Variants in KLHDC2 observed in about 807,000 individuals in gnomAD.
KLHDC2 encodes the protein kelch domain containing 2.
In KLHDC2, 38 loss-of-function variants were observed where a neutral mutation model predicts 62.3. That is an observed-to-expected ratio of 0.61 (90% CI 0.47 to 0.80). The LOEUF is 0.80. Ranked by LOEUF, KLHDC2 falls within the 30% of genes least tolerant of loss-of-function variation. KLHDC2 has a pLI of 0.00. For missense variants in KLHDC2, 430 were observed against 495.3 expected, an observed-to-expected ratio of 0.87 and a Z score of 1.25; for synonymous variants, 159 against 161.0, an observed-to-expected ratio of 0.99 and a Z score of 0.09.
rs1890134447 is a variant in KLHDC2, at chr14:49,785,591, A to G, written c.*2638A>G. The G allele has an allele frequency of 8.4e-6, 3 of 359,076 alleles. No homozygotes were observed. Among genetic ancestry groups the G allele is most frequent in the South Asian group, 7.9e-5 (3 of 38,166 alleles). 22.2% of individuals were successfully genotyped at this position (359,076 alleles called of 1,614,324 possible). Reference sequence around the variant, plus strand: ...AATCCTACCTACAGTTACATTTAAGAGAAAGAAGGCCCAGGAGCAGTGGTT... The same window carrying G: ...AATCCTACCTACAGTTACATTTAAGGGAAAGAAGGCCCAGGAGCAGTGGTT... On this transcript the variant is annotated 3_prime_UTR_variant, in exon 13 of 13. Transcript: ENST00000298307.
chr14:49,778,411 A>C lies in KLHDC2; in HGVS notation c.550A>C (p.Asn184His). Residue 184 changes from asparagine to histidine, a missense_variant and splice_region_variant, in exon 6 of 13, where the codon AAT becomes CAT. Coordinates refer to ENST00000298307, the MANE Select transcript of KLHDC2 (RefSeq NM_014315.3). ...TFEFDETSFW[N>H]SSHPRGWNDH... Reference sequence around the variant, plus strand: ...TAACGCGGATTCTTATTTTCTGTAGAATTCAAGTCATCCAAGAGGATGGAA... The same window carrying C: ...TAACGCGGATTCTTATTTTCTGTAGCATTCAAGTCATCCAAGAGGATGGAA... 15 of 1,545,344 alleles carry C rather than the reference A, an allele frequency of 9.7e-6. No individual in the cohort carries two copies. The highest frequency in any genetic ancestry group is 1.2e-5 in the Non-Finnish European group (14 of 1,125,580).
chr14:49,769,999 T>A (rs1232448741), intron 1 of KLHDC2, among the ~76,000 whole-genome samples: 1 of 151,638 alleles, frequency 6.6e-6, no homozygotes, highest in Non-Finnish European at 1.5e-5. Flanking sequence ...GGCAAGCATG[T>A]AGTCACCCTT....
At chr14:49,768,732 TCG>T in intron 1 of KLHDC2, 111 bp downstream of exon 1, 1 of 1,037,778 alleles carries the variant, frequency 9.6e-7, no homozygotes, top group Non-Finnish European at 1.3e-6. Context: ...CCCGCCTGCG[TCG>T]CGCGCCCCAC....
At position 49,780,406 on chromosome 14, in the gene KLHDC2, G is replaced by A. The variant is rs867598058; in HGVS notation, c.883+84G>A. ...GAAAATGAGTCTATTAGAGACTGATGAGACGGCTTATAGGGTTGGTTGGAA... is the reference window on the plus strand; with the variant it reads ...GAAAATGAGTCTATTAGAGACTGATAAGACGGCTTATAGGGTTGGTTGGAA... On this transcript the variant is annotated intron_variant, in intron 9 of 12. Transcript: ENST00000298307. 2.9e-5 allele frequency: 27 copies of A among 937,322 alleles called. 2 individuals carry two copies. The highest frequency in any genetic ancestry group is 4.3e-4 in the Middle Eastern group (2 of 4,644). 58.1% of individuals were successfully genotyped at this position (937,322 alleles called of 1,614,324 possible).
chr14:49,774,399 C>G (rs776616649), intron 2 of KLHDC2, among the ~76,000 whole-genome samples, 162 bp from the exon 3 acceptor site: 1 of 152,220 alleles, frequency 6.6e-6, no homozygotes, highest in East Asian at 1.9e-4. Context: ...AAAGCACATT[C>G]CTTGAATTAA....
At chr14:49,780,914 C>G in intron 10 of KLHDC2, 139 bp downstream of exon 10, 1 of 625,054 alleles carries the variant, frequency 1.6e-6, no homozygotes, top group East Asian at 2.7e-5. Flanking sequence ...AAAAGAAAAC[C>G]AATGTTATCC....
Position 49,783,854 on chromosome 14 carries a change from A to T in KLHDC2, c.*901A>T, listed in dbSNP as rs1419696864. On this transcript the variant is annotated 3_prime_UTR_variant, in exon 13 of 13. Transcript: ENST00000298307. ...CTTATATTTTACATTTTGGTCTAAT[A>T]TTTTTTTCTGACAAGTATCAATGAA... The T allele has an allele frequency of 1.3e-5, 2 of 151,718 alleles. No individual in the cohort carries two copies. The highest frequency in any genetic ancestry group is 4.9e-5 in the African/African-American group (2 of 41,028). The allele number at this position is 151,718 out of a possible 1,614,324, so 9.4% of individuals were successfully genotyped here. A position where few individuals can be genotyped will look rare whatever the true frequency, so the allele number is the denominator to read the frequency against.
Position 49,774,551 on chromosome 14 carries a change from T to TC in KLHDC2, c.234-5dup. 6.5e-7 allele frequency: 1 copy of TC among 1,549,900 alleles called. No individual in the cohort carries two copies. Among genetic ancestry groups the TC allele is most frequent in the Non-Finnish European group, 8.9e-7 (1 of 1,121,816 alleles). On this transcript the variant is annotated splice_polypyrimidine_tract_variant and intron_variant, in intron 2 of 12. Coordinates refer to ENST00000298307, the MANE Select transcript of KLHDC2 (RefSeq NM_014315.3). ...TTTAACTTACATACATTTAATTTAT[T>TC]CCCCCTCAGGAAAAAAATCAACACT... is the stretch of plus-strand genomic sequence containing the variant.
In KLHDC2 at chr14:49,768,296, C is replaced by T. The variant is rs1889585163; in HGVS notation, c.-173C>T. On this transcript the variant is annotated 5_prime_UTR_variant, in exon 1 of 13. Transcript: ENST00000298307. ...CCCGGCGGCGGCGGAGAGCCGTCCT[C>T]GGCCGAGGAGGCTGGGAAACGCGAG... 1.5e-6 allele frequency: 1 copy of T among 674,172 alleles called. No homozygotes were observed. Among genetic ancestry groups the T allele is most frequent in the East Asian group, 3.4e-5 (1 of 29,722 alleles). The allele number at this position is 674,172 out of a possible 1,614,324, so 41.8% of individuals were successfully genotyped here.
intron 12 of KLHDC2, 27 bp from the exon 13 acceptor site, chr14:49,782,802 AC>A (rs766322868): frequency 6.2e-7 from 1 of 1,602,942 alleles, no homozygotes; most frequent in South Asian, 1.1e-5. Context: ...AAGTGAAATT[AC>A]TTTTCTCTTT....
rs1216902275 is a variant in KLHDC2, at chr14:49,779,644, A to G, written c.683A>G (p.Asn228Ser). 1 of 1,614,224 alleles carries G rather than the reference A, an allele frequency of 6.2e-7. No homozygotes were observed. Among genetic ancestry groups the G allele is most frequent in the African/African-American group, 1.3e-5 (1 of 75,064 alleles). The change falls in exon 7 of 13, where the codon AAT becomes AGT. Residue 228 changes from asparagine (N) to serine (S), a missense_variant. By Grantham distance (46) the Asn-to-Ser change is conservative. Transcript: ENST00000298307. ...RAAHACATVG[N>S]RGFVFGGRYR... ...GCCCATGCCTGTGCAACTGTCGGAA[A>G]TAGAGGCTTCGTGTTTGGAGGCAGA... is the stretch of plus-strand genomic sequence containing the variant.
intron 1 of KLHDC2, among the ~76,000 whole-genome samples, chr14:49,769,473 A>ATTGT (rs1889615339): frequency 6.6e-6 from 1 of 152,028 alleles, no homozygotes. Context: ...TTGCTTTGTG[A>ATTGT]TTGTTTTTAG....
Position 49,771,680 on chromosome 14 carries a change from G to A in KLHDC2, c.233+7G>A, listed in dbSNP as rs1312308123. 7 of 1,411,570 alleles carry A rather than the reference G, an allele frequency of 5.0e-6. No individual in the cohort carries two copies. Among genetic ancestry groups the A allele is most frequent in the Non-Finnish European group, 7.0e-6 (7 of 995,864 alleles). 87.4% of individuals were successfully genotyped at this position (1,411,570 alleles called of 1,614,324 possible). On this transcript the variant is annotated splice_region_variant and intron_variant, in intron 2 of 12. Coordinates refer to ENST00000298307, the MANE Select transcript of KLHDC2 (RefSeq NM_014315.3). ...ACATGGAGACTGGAAGATGGTAAAT[G>A]TGGATATTATAAGGGGGACTAAAAA...
At position 49,768,274 on chromosome 14, in the gene KLHDC2, G is replaced by A. The variant is rs1481555265; in HGVS notation, c.-195G>A. The A allele has an allele frequency of 9.3e-6, 5 of 536,240 alleles. No individual in the cohort carries two copies. The East Asian group carries it at 1.8e-4, about 20-fold the overall frequency. The allele number at this position is 536,240 out of a possible 1,614,324, so 33.2% of individuals were successfully genotyped here. A position where few individuals can be genotyped will look rare whatever the true frequency, so the allele number is the denominator to read the frequency against. ...GCCCCTCTGTCTGCAGGCGTGCCCCGGCGGCGGCGGAGAGCCGTCCTCGGC... is the reference window on the plus strand; with the variant it reads ...GCCCCTCTGTCTGCAGGCGTGCCCCAGCGGCGGCGGAGAGCCGTCCTCGGC... On this transcript the variant is annotated 5_prime_UTR_variant, in exon 1 of 13. Coordinates refer to ENST00000298307, the MANE Select transcript of KLHDC2 (RefSeq NM_014315.3).
At chr14:49,768,672 C>G (rs1419098784) in intron 1 of KLHDC2, 51 bp downstream of exon 1, 1 of 1,486,512 alleles carries the variant, frequency 6.7e-7, no homozygotes, top group Non-Finnish European at 8.9e-7. Flanking sequence ...TGACTCGGGT[C>G]TGCGTTCGCG....
chr14:49,784,803 T>G lies in KLHDC2; in HGVS notation c.*1850T>G, dbSNP rs1890082954. 1.4e-6 allele frequency: 2 copies of G among 1,418,100 alleles called. No homozygotes were observed. Among genetic ancestry groups the G allele is most frequent in the Non-Finnish European group, 2.0e-6 (2 of 1,013,550 alleles). 87.8% of individuals were successfully genotyped at this position (1,418,100 alleles called of 1,614,324 possible). Reference sequence around the variant, plus strand: ...AAAAACGAAAAACATTTCCAAACTTTTAGCTGAGATGGTTTTACTGCTTCT... The same window carrying G: ...AAAAACGAAAAACATTTCCAAACTTGTAGCTGAGATGGTTTTACTGCTTCT... On this transcript the variant is annotated 3_prime_UTR_variant, in exon 13 of 13. Transcript: ENST00000298307.
chr14:49,769,531 T>C (rs910530530), intron 1 of KLHDC2, among the ~76,000 whole-genome samples: 1 of 152,236 alleles, frequency 6.6e-6, no homozygotes, highest in African/African-American at 2.4e-5. Context: ...TTGAGATAGC[T>C]TTCAAAGATG....
intron 10 of KLHDC2, 125 bp downstream of exon 10, chr14:49,780,900 AAAG>A: frequency 1.6e-6 from 1 of 640,530 alleles, no homozygotes; most frequent in Non-Finnish European, 2.8e-6. Context: ...AATACTTCTC[AAAG>A]AAAAGAAAAC....
chr14:49,773,591 T>G (rs1233998949), intron 2 of KLHDC2, among the ~76,000 whole-genome samples: 2 of 75,544 alleles, frequency 2.6e-5, no homozygotes, highest in African/African-American at 8.9e-5. Context: ...TTTTTTTTTT[T>G]AATGAGAGGG....
Sources: gnomAD v4.1 joint callset for allele counts (sites outside exome capture counted in the v4.1 genomes callset) on GRCh38, gnomAD v4.1.1 for gene constraint, MANE v1.5 for transcripts, NCBI Gene and HGNC (gene_info 2026-07-23, HGNC 2026-07-21) for gene names.